EDA: variants seen among roughly 807,000 people sequenced by gnomAD.
EDA encodes the protein ectodysplasin A.
Under a neutral mutation model 23.6 loss-of-function variants are expected in EDA, and 2 were observed. The observed-to-expected ratio is 0.08, with a 90% CI of 0.03 to 0.27. The LOEUF (loss-of-function observed/expected upper bound fraction) is 0.27, where lower values mean the gene tolerates loss of function less well. Among genes scored for constraint, EDA ranks in the 10% least tolerant of loss-of-function variants. EDA has a pLI of 1.00. For missense variants in EDA, 229 were observed against 324.2 expected (o/e 0.71, Z 2.26); for synonymous variants, 131 against 132.0 (o/e 0.99, Z 0.05).
intron 1 of EDA, among the ~76,000 whole-genome samples, chrX:69,748,353 T>C (rs923208481): frequency 9.0e-6 from 1 of 110,988 alleles, no homozygotes; most frequent in African/African-American, 3.3e-5. Context: ...GTTGATTTGA[T>C]AAAGGGATGA....
chrX:69,916,310 C>A (rs756334988), intron 1 of EDA, among the ~76,000 whole-genome samples: 1 of 108,873 alleles, frequency 9.2e-6, no homozygotes, highest in African/African-American at 3.3e-5. Flanking sequence ...TAGAATGCAA[C>A]GTTTATATGA....
chrX:69,735,709 G>T (rs1002969781), intron 1 of EDA, among the ~76,000 whole-genome samples: 1 of 111,043 alleles, frequency 9.0e-6, no homozygotes, highest in Non-Finnish European at 1.9e-5. Flanking sequence ...TTGAGACCAT[G>T]GTTGCCACTT....
At chrX:69,616,839 G>A (rs1931979409) in intron 1 of EDA, 135 bp downstream of exon 1, 1 of 896,319 alleles carries the variant, frequency 1.1e-6, no homozygotes, top group African/African-American at 2.0e-5. Context: ...GACCAGGCGA[G>A]CAAGGGAGAA....
chrX:69,871,308 C>G (rs1289222391), intron 1 of EDA, among the ~76,000 whole-genome samples: 1 of 111,334 alleles, frequency 9.0e-6, no homozygotes, highest in East Asian at 2.8e-4. Context: ...ATGGTTCTTT[C>G]AGAGGGACAG....
At chrX:69,767,791 C>G (rs2014515546) in intron 1 of EDA, among the ~76,000 whole-genome samples, 1 of 111,736 alleles carries the variant, frequency 8.9e-6, no homozygotes, top group Non-Finnish European at 1.9e-5. Context: ...GCCAAACTTT[C>G]AAATTTTGCA....
chrX:69,842,683 G>A (rs1311862786), intron 1 of EDA, among the ~76,000 whole-genome samples: 2 of 112,099 alleles, frequency 1.8e-5, no homozygotes, highest in Non-Finnish European at 3.8e-5. Context: ...AATCCCCAAT[G>A]TTGGAGGTGG....
chrX:69,904,965 TGTGAATA>T (rs1404191526), intron 1 of EDA, among the ~76,000 whole-genome samples: 1 of 112,462 alleles, frequency 8.9e-6, no homozygotes, highest in Non-Finnish European at 1.9e-5. Flanking sequence ...TCTTGGCTAT[TGTGAATA>T]GTGCTGCAAT....
chrX:69,704,951 T>G (rs1003747375), intron 1 of EDA, among the ~76,000 whole-genome samples: 3 of 110,808 alleles, frequency 2.7e-5, no homozygotes, highest in Non-Finnish European at 5.7e-5. Flanking sequence ...CCAGGCGTGG[T>G]GGCTCACACC....
intron 1 of EDA, among the ~76,000 whole-genome samples, chrX:69,762,461 A>G (rs1343924334): frequency 1.8e-5 from 2 of 111,516 alleles, no homozygotes; most frequent in African/African-American, 6.5e-5. Flanking sequence ...TCCACGCGGC[A>G]TTGTTCCTAT....
At chrX:69,874,086 G>A (rs897481778) in intron 1 of EDA, among the ~76,000 whole-genome samples, 44 of 111,700 alleles carry the variant, frequency 3.9e-4, no homozygotes, top group African/African-American at 1.3e-3. Flanking sequence ...CGAGGCAGGC[G>A]GATCACCTGA....
chrX:69,753,128 G>A lies in EDA; in HGVS notation c.396+136424G>A, dbSNP rs1328431278. Among the ~76,000 whole-genome samples the A allele has an allele frequency of 7.2e-5, 8 of 111,325 alleles. 1 individual carries two copies. The highest frequency in any genetic ancestry group is 1.5e-4 in the Non-Finnish European group (8 of 53,014). On this transcript the variant is annotated intron_variant, in intron 1 of 7. Transcript: ENST00000374552. Reference sequence around the variant, plus strand: ...TCTTGCCTTCTGCTAGCTTTTGAATGTGTTTGCTCTTGCTTCTCTAGTTCT... The same window carrying A: ...TCTTGCCTTCTGCTAGCTTTTGAATATGTTTGCTCTTGCTTCTCTAGTTCT...
intron 1 of EDA, among the ~76,000 whole-genome samples, chrX:69,753,409 A>G (rs1198723010): frequency 8.9e-6 from 1 of 111,995 alleles, no homozygotes; most frequent in Non-Finnish European, 1.9e-5. Flanking sequence ...CTTAATCCTG[A>G]GTTCTAGTTT....
chrX:69,799,092 G>A lies in EDA; in HGVS notation c.397-157935G>A, dbSNP rs563010126. Among the ~76,000 whole-genome samples, 5 of 111,490 alleles carry A rather than the reference G, an allele frequency of 4.5e-5. No homozygotes were observed. In the South Asian group the frequency reaches 1.1e-3, roughly 25 times the overall value. ...AAGTGTGCCAAGAATATACATTGGGGAAAGGATGGTCTTCAATGAATGACA... is the reference window on the plus strand; with the variant it reads ...AAGTGTGCCAAGAATATACATTGGGAAAAGGATGGTCTTCAATGAATGACA... On this transcript the variant is annotated intron_variant, in intron 1 of 7. Coordinates refer to ENST00000374552, the MANE Select transcript of EDA (RefSeq NM_001399.5).
chrX:69,714,192 T>C (rs2012215266), intron 1 of EDA, among the ~76,000 whole-genome samples: 1 of 111,447 alleles, frequency 9.0e-6, no homozygotes, highest in Non-Finnish European at 1.9e-5. Context: ...TTTTCATGTA[T>C]TGATCTGCAA....
chrX:70,002,504 C>A (rs555652806), intron 2 of EDA, among the ~76,000 whole-genome samples: 1 of 111,630 alleles, frequency 9.0e-6, no homozygotes, highest in East Asian at 2.8e-4. Context: ...AGGGGCCATC[C>A]TATGAAGAGG....
At chrX:69,804,616 C>CA (rs2015771669) in intron 1 of EDA, among the ~76,000 whole-genome samples, 1 of 109,219 alleles carries the variant, frequency 9.2e-6, no homozygotes, top group Admixed American at 9.9e-5. Flanking sequence ...GATTAGTCAA[C>CA]AAAAAAAGAT....
intron 1 of EDA, among the ~76,000 whole-genome samples, chrX:69,709,749 C>T (rs575737047): frequency 8.9e-6 from 1 of 112,274 alleles, no homozygotes; most frequent in Middle Eastern, 4.6e-3. Flanking sequence ...CTCACCTCAA[C>T]CTCCAGAGGA....
At chrX:69,977,993 G>A (rs2019341175) in intron 2 of EDA, among the ~76,000 whole-genome samples, 2 of 110,309 alleles carry the variant, frequency 1.8e-5, no homozygotes, top group South Asian at 3.8e-4. Context: ...ATGTCCTTAC[G>A]TTTGCAGTTT....
In EDA at chrX:69,885,282, C is replaced by T. The variant is rs142665244; in HGVS notation, c.397-71745C>T. On this transcript the variant is annotated intron_variant, in intron 1 of 7. Transcript: ENST00000374552. ...CATTCCCATTGTTGTGAAACCATTA[C>T]CACTGTCATCTCCAAAACGTTATCA... 4.2e-3 allele frequency among the ~76,000 whole-genome samples: 471 copies of T among 111,808 alleles called. 2 individuals carry two copies. Among genetic ancestry groups the T allele is most frequent in the African/African-American group, 0.014 (438 of 30,805 alleles).
Sources: allele counts gnomAD v4.1 joint callset (sites outside exome capture counted in the v4.1 genomes callset), GRCh38; gene constraint gnomAD v4.1.1; transcripts MANE v1.5; gene names NCBI Gene and HGNC (gene_info 2026-07-23, HGNC 2026-07-21).